Variants in MAU2 observed in about 807,000 individuals in gnomAD.
MAU2 encodes the protein MAU2 chromatid cohesion factor homolog.
MAU2 carries 9 observed loss-of-function variants against 89.1 expected under a neutral mutation model. That is an observed-to-expected ratio of 0.10 (90% confidence interval 0.06 to 0.18). MAU2 has a LOEUF of 0.18. MAU2 is among the 10% of genes least tolerant of loss of function. The pLI, the probability that MAU2 is intolerant of heterozygous loss-of-function variation, is 1.00. For missense variants in MAU2, 425 were observed against 803.5 expected (o/e 0.53, Z 5.69); for synonymous variants, 357 against 343.4 (o/e 1.04, Z -0.44).
intron 1 of MAU2, among the ~76,000 whole-genome samples, chr19:19,334,919 C>T (rs746049067): frequency 6.6e-6 from 1 of 152,234 alleles, no homozygotes; most frequent in Non-Finnish European, 1.5e-5. Flanking sequence ...CAGCAACCAC[C>T]GAGGCTCTTG....
intron 1 of MAU2, among the ~76,000 whole-genome samples, chr19:19,331,204 T>TA (rs199942794): frequency 0.028 from 4,005 of 142,894 alleles, 158 homozygotes; most frequent in African/African-American, 0.087. Context: ...ATTACAAAGT[T>TA]AAAAAAAAAA....
intron 18 of MAU2, 88 bp downstream of exon 18, chr19:19,355,479 T>C: frequency 6.4e-7 from 1 of 1,561,694 alleles, no homozygotes; most frequent in Non-Finnish European, 8.7e-7. Flanking sequence ...TATTTCTCTT[T>C]TGTCCAACAA....
At chr19:19,355,540 A>T (rs922217274) in intron 18 of MAU2, 149 bp downstream of exon 18, 28 of 1,277,554 alleles carry the variant, frequency 2.2e-5, no homozygotes, top group Non-Finnish European at 3.0e-5. Flanking sequence ...GGCCATGGGC[A>T]CCCCCACCCA....
intron 6 of MAU2, 42 bp from the exon 7 acceptor site, chr19:19,341,210 C>G (rs1461868827): frequency 6.3e-7 from 1 of 1,584,606 alleles, no homozygotes; most frequent in Admixed American, 1.7e-5. Context: ...GGGAGGGCCC[C>G]TGCAAGCCCT....
At chr19:19,347,623 A>G (rs1050970622) in intron 13 of MAU2, 5 of 426,770 alleles carry the variant, frequency 1.2e-5, no homozygotes, top group Non-Finnish European at 1.7e-5. Context: ...ACCAAGCTGT[A>G]TGAATCACAC....
In MAU2 at chr19:19,335,696, C is replaced by T. The variant is rs142577659; in HGVS notation, c.277-22C>T. Reference sequence around the variant, plus strand: ...GCCAGGTGTTTGCCTGAGAATTAATCGTTGTTTTCTTTCTTTTTCAGTGGT... The same window carrying T: ...GCCAGGTGTTTGCCTGAGAATTAATTGTTGTTTTCTTTCTTTTTCAGTGGT... On this transcript the variant is annotated intron_variant, in intron 1 of 18. Transcript: ENST00000262815. The T allele has an allele frequency of 2.7e-4, 435 of 1,614,006 alleles. 1 individual carries two copies. In the Middle Eastern group the frequency reaches 4.8e-3, roughly 18 times the overall value.
chr19:19,349,687 C>T (rs1915884787), intron 16 of MAU2, among the ~76,000 whole-genome samples: 1 of 152,208 alleles, frequency 6.6e-6, no homozygotes, highest in Non-Finnish European at 1.5e-5. Flanking sequence ...GGCAGAGCCC[C>T]AGGGCTCAGG....
intron 16 of MAU2, among the ~76,000 whole-genome samples, chr19:19,350,387 T>G (rs1178216605): frequency 6.9e-6 from 1 of 144,606 alleles, no homozygotes; most frequent in Non-Finnish European, 1.5e-5. Context: ...GCAGATCACT[T>G]GAGGTCAAGA....
intron 1 of MAU2, among the ~76,000 whole-genome samples, chr19:19,333,221 A>ACGC (rs2146669416): frequency 6.6e-6 from 1 of 152,342 alleles, no homozygotes; most frequent in South Asian, 2.1e-4. Flanking sequence ...ACGATGTCCA[A>ACGC]CGCCTGTAAT....
chr19:19,340,435 C>A (rs1036819074), intron 5 of MAU2, among the ~76,000 whole-genome samples: 2 of 151,664 alleles, frequency 1.3e-5, no homozygotes, highest in African/African-American at 4.8e-5. Context: ...GTCAGGAGAT[C>A]GAGACCATCC....
At chr19:19,334,510 C>T (rs896186023) in intron 1 of MAU2, 21 of 985,812 alleles carry the variant, frequency 2.1e-5, no homozygotes, top group African/African-American at 1.6e-4. Context: ...TGCCCCCAGC[C>T]GTGGATCTCC....
At chr19:19,348,718 G>A in intron 13 of MAU2, 171 bp from the exon 14 acceptor site, 1 of 726,392 alleles carries the variant, frequency 1.4e-6, no homozygotes, top group Non-Finnish European at 2.4e-6. Context: ...TGGAAATCTT[G>A]CCCCCGGCCC....
Position 19,339,398 on chromosome 19 carries a change from G to T in MAU2, c.551+459G>T, listed in dbSNP as rs558077910. On this transcript the variant is annotated intron_variant, in intron 5 of 18. Transcript: ENST00000262815. The stretch of plus-strand genomic sequence containing the variant: ...GGAGGCAGAGGTTGCAGTGAGCCAA[G>T]ATCATGCCACTGTACTCCAGCCTGG... 1.3e-4 allele frequency among the ~76,000 whole-genome samples: 19 copies of T among 151,798 alleles called. No homozygotes were observed. The South Asian group carries it at 4.0e-3, about 32-fold the overall frequency.
At chr19:19,352,563 C>T (rs1001984918) in intron 16 of MAU2, 8 of 152,264 alleles carry the variant, frequency 5.3e-5, no homozygotes, top group Non-Finnish European at 4.4e-5. Context: ...CTGTATGTCC[C>T]CACTGGACAG....
At chr19:19,335,265 C>G (rs1168419081) in intron 1 of MAU2, among the ~76,000 whole-genome samples, 1 of 152,226 alleles carries the variant, frequency 6.6e-6, no homozygotes, top group East Asian at 1.9e-4. Flanking sequence ...AACCTTGCCC[C>G]CCAAGACCCA....
intron 7 of MAU2, among the ~76,000 whole-genome samples, chr19:19,341,915 G>C (rs552356692): frequency 6.6e-6 from 1 of 152,282 alleles, no homozygotes; most frequent in Admixed American, 6.5e-5. Flanking sequence ...CCCTTCGGGG[G>C]CTGGGGGCTG....
At chr19:19,325,296 C>T (rs1042235070) in intron 1 of MAU2, among the ~76,000 whole-genome samples, 1 of 152,118 alleles carries the variant, frequency 6.6e-6, no homozygotes, top group Non-Finnish European at 1.5e-5. Context: ...CTGCCTCAGC[C>T]TCCCAAGCAG....
Position 19,345,032 on chromosome 19 carries a change from C to T in MAU2, c.1155+106C>T, listed in dbSNP as rs1409580146. 4 of 1,026,000 alleles carry T rather than the reference C, an allele frequency of 3.9e-6. No homozygotes were observed. The highest frequency in any genetic ancestry group is 5.9e-6 in the Non-Finnish European group (4 of 674,988). The allele number at this position is 1,026,000 out of a possible 1,614,324, so 63.6% of individuals were successfully genotyped here. On this transcript the variant is annotated intron_variant, in intron 11 of 18. Transcript: ENST00000262815. The surrounding 1 kb of genome is among the most constrained non-coding windows in gnomAD (Gnocchi z 4.9). ...CCAGTGAAGGACCCCCTGACAGCAC[C>T]CTAATCAGAATCCGGAATGTTCCCA...
rs1451588937 is a variant in MAU2 at position 19,357,043 on chromosome 19, C to T, written c.*1261C>T. 2.0e-5 allele frequency: 3 copies of T among 152,238 alleles called. No individual in the cohort carries two copies. The highest frequency in any genetic ancestry group is 7.2e-5 in the African/African-American group (3 of 41,434). The allele number at this position is 152,238 out of a possible 1,614,324, so 9.4% of individuals were successfully genotyped here. A position where few individuals can be genotyped will look rare whatever the true frequency, so the allele number is the denominator to read the frequency against. Reference sequence around the variant, plus strand: ...AGCAGGGTAGGTGGTGGTTTTAGGTCTTGTCACCCTCACTCAGTGGAACTG... The same window carrying T: ...AGCAGGGTAGGTGGTGGTTTTAGGTTTTGTCACCCTCACTCAGTGGAACTG... On this transcript the variant is annotated 3_prime_UTR_variant, in exon 19 of 19. Coordinates refer to ENST00000262815, the MANE Select transcript of MAU2 (RefSeq NM_015329.4).
Sources: gnomAD v4.1 joint callset for allele counts (sites outside exome capture counted in the v4.1 genomes callset) on GRCh38, gnomAD v4.1.1 for gene constraint, Gnocchi (gnomAD v3.1) non-coding constraint, MANE v1.5 for transcripts, NCBI Gene and HGNC (gene_info 2026-07-23, HGNC 2026-07-21) for gene names.